Variants in HMGN5 observed in about 807,000 individuals in gnomAD.
HMGN5 encodes high mobility group nucleosome-binding domain-containing protein 5.
HMGN5 carries 4 observed loss-of-function variants against 9.5 expected under a neutral mutation model. That is an observed-to-expected ratio of 0.42 (90% CI 0.21 to 0.96). HMGN5 has a LOEUF of 0.96. HMGN5 is among the 40% of genes least tolerant of loss of function. The pLI is 0.30. For missense variants in HMGN5, 192 were observed against 187.5 expected (o/e 1.02, Z -0.14); for synonymous variants, 55 against 57.1 (o/e 0.96, Z 0.16).
chrX:81,155,036 C>T (rs2075378818), intron 1 of HMGN5, among the ~76,000 whole-genome samples: 1 of 97,966 alleles, frequency 1.0e-5, no homozygotes, highest in Non-Finnish European at 2.0e-5. Context: ...ATCCCACTGC[C>T]GGGTATATGC....
At chrX:81,118,633 C>T (rs777496312) in intron 4 of HMGN5, 97 bp downstream of exon 4, 1 of 894,412 alleles carries the variant, frequency 1.1e-6, no homozygotes, top group Non-Finnish European at 1.6e-6. Context: ...TTTCTTAAAA[C>T]TTCAAAAATA....
chrX:81,166,859 C>T (rs917729792), intron 1 of HMGN5, among the ~76,000 whole-genome samples: 2 of 111,507 alleles, frequency 1.8e-5, no homozygotes, highest in Non-Finnish European at 3.8e-5. Flanking sequence ...GTCAGCCCAG[C>T]TACATGAACA....
At chrX:81,137,340 C>A (rs1373299312) in intron 1 of HMGN5, among the ~76,000 whole-genome samples, 1 of 111,560 alleles carries the variant, frequency 9.0e-6, no homozygotes, top group African/African-American at 3.3e-5. Flanking sequence ...TCATAAGACA[C>A]CTCAATACAT....
At chrX:81,156,888 A>G (rs1406705702) in intron 1 of HMGN5, among the ~76,000 whole-genome samples, 1 of 111,073 alleles carries the variant, frequency 9.0e-6, no homozygotes, top group African/African-American at 3.3e-5. Context: ...GGGCACTGAT[A>G]CTATCAGTTG....
Position 81,121,372 on chromosome X carries a change from C to T in HMGN5, c.15+163G>A, listed in dbSNP as rs189148517. ...GCATGCAAGACCATCCTAAACCTTA[C>T]ACCGACTGCTCTTTGCCCTTCTACC... On this transcript the variant is annotated intron_variant, in intron 2 of 6. Coordinates refer to ENST00000358130, the MANE Select transcript of HMGN5 (RefSeq NM_030763.3). Among the ~76,000 whole-genome samples the T allele has an allele frequency of 1.5e-3, 167 of 111,742 alleles. 2 individuals carry two copies. The highest frequency in any genetic ancestry group is 6.4e-4 in the Non-Finnish European group (34 of 53,105).
chrX:81,162,818 G>A lies in HMGN5; in HGVS notation c.-124+38919C>T, dbSNP rs891951474. 2.7e-5 allele frequency among the ~76,000 whole-genome samples: 3 copies of A among 111,352 alleles called. No homozygotes were observed. The South Asian group carries it at 1.1e-3, about 42-fold the overall frequency. The stretch of plus-strand genomic sequence containing the variant: ...CATTATGCGACTTAGAGGTCTTGGA[G>A]GAGGGAATTAGAATACTTTGAATGT... On this transcript the variant is annotated intron_variant, in intron 1 of 6. Coordinates refer to ENST00000358130, the MANE Select transcript of HMGN5 (RefSeq NM_030763.3).
intron 1 of HMGN5, among the ~76,000 whole-genome samples, chrX:81,183,236 C>T (rs2075467779): frequency 9.0e-6 from 1 of 111,355 alleles, no homozygotes; most frequent in African/African-American, 3.3e-5. Flanking sequence ...AAGCTGGCTG[C>T]ATAAATTTGC....
At chrX:81,189,640 C>T (rs183148555) in intron 1 of HMGN5, among the ~76,000 whole-genome samples, 65 of 112,344 alleles carry the variant, frequency 5.8e-4, no homozygotes, top group African/African-American at 1.9e-3. Flanking sequence ...TACTGAAGGA[C>T]ATCTTATTTG....
intron 1 of HMGN5, among the ~76,000 whole-genome samples, chrX:81,192,082 A>T (rs1450903876): frequency 9.0e-6 from 1 of 111,629 alleles, no homozygotes; most frequent in African/African-American, 3.3e-5. Flanking sequence ...GATTAGAGTC[A>T]ATTCCTGGGA....
At chrX:81,157,621 C>T (rs2075386619) in intron 1 of HMGN5, among the ~76,000 whole-genome samples, 1 of 111,195 alleles carries the variant, frequency 9.0e-6, no homozygotes, top group Admixed American at 9.6e-5. Context: ...AGTGCTAATA[C>T]TAATCCAACA....
At chrX:81,144,006 C>T (rs747142270) in intron 1 of HMGN5, among the ~76,000 whole-genome samples, 6 of 111,757 alleles carry the variant, frequency 5.4e-5, no homozygotes, top group Non-Finnish European at 9.4e-5. Flanking sequence ...AAGTCAGGGA[C>T]ATATAGATAA....
At chrX:81,149,477 G>A (rs1373738205) in intron 1 of HMGN5, among the ~76,000 whole-genome samples, 1 of 111,424 alleles carries the variant, frequency 9.0e-6, no homozygotes, top group Non-Finnish European at 1.9e-5. Context: ...CAGGGGGTGG[G>A]GAGCGCTAGG....
chrX:81,119,724 G>A (rs769298357), intron 3 of HMGN5, 64 bp downstream of exon 3: 3 of 972,319 alleles, frequency 3.1e-6, no homozygotes, highest in East Asian at 3.1e-5. Context: ...TTTTTTAGCT[G>A]CTTATGTCAA....
chrX:81,172,554 T>TA (rs35879365), intron 1 of HMGN5, among the ~76,000 whole-genome samples: 11,514 of 99,886 alleles, frequency 0.12, 588 homozygotes, highest in Non-Finnish European at 0.16. Context: ...ACACCCAATG[T>TA]AAAAAAAAAA....
intron 1 of HMGN5, among the ~76,000 whole-genome samples, chrX:81,131,526 G>C (rs2075297718): frequency 9.0e-6 from 1 of 111,330 alleles, no homozygotes; most frequent in Non-Finnish European, 1.9e-5. Flanking sequence ...GGGCAGATAT[G>C]AATCATTCAG....
At chrX:81,186,747 T>G (rs1293475248) in intron 1 of HMGN5, among the ~76,000 whole-genome samples, 2 of 111,469 alleles carry the variant, frequency 1.8e-5, no homozygotes, top group African/African-American at 6.5e-5. Context: ...TGAGATGTTT[T>G]GATATAGGCA....
intron 1 of HMGN5, among the ~76,000 whole-genome samples, chrX:81,199,385 G>C (rs2075518512): frequency 8.9e-6 from 1 of 112,266 alleles, no homozygotes; most frequent in Non-Finnish European, 1.9e-5. Flanking sequence ...CTACTTTAAA[G>C]TTCATATGGA....
At chrX:81,133,242 A>C (rs929783901) in intron 1 of HMGN5, among the ~76,000 whole-genome samples, 1 of 111,758 alleles carries the variant, frequency 8.9e-6, no homozygotes, top group African/African-American at 3.2e-5. Flanking sequence ...AGGAACGCTT[A>C]TACAGTGTTT....
chrX:81,118,619 A>C (rs748055743), intron 4 of HMGN5, 111 bp downstream of exon 4: 21 of 840,606 alleles, frequency 2.5e-5, no homozygotes, highest in Non-Finnish European at 3.6e-5. Context: ...TTGGTGTGAA[A>C]GTTTTTCTTA....
Sources: gnomAD v4.1 joint callset for allele counts (sites outside exome capture counted in the v4.1 genomes callset) on GRCh38, gnomAD v4.1.1 for gene constraint, MANE v1.5 for transcripts, NCBI Gene and HGNC (gene_info 2026-07-23, HGNC 2026-07-21) for gene names.